Variants in NDUFS5 observed in about 807,000 individuals in gnomAD.
The protein encoded by NDUFS5 is NADH dehydrogenase [ubiquinone] iron-sulfur protein 5.
A neutral mutation model predicts 10.5 loss-of-function variants in NDUFS5; 7 were observed. The observed-to-expected ratio is 0.66, with a 90% CI of 0.38 to 1.25. The LOEUF (loss-of-function observed/expected upper bound fraction) is 1.25. NDUFS5 is among the 50% of genes most tolerant of loss of function. The probability of loss-of-function intolerance (pLI) is 0.02; values close to 1 mark genes in which losing one functional copy is unlikely to be tolerated. For synonymous variants in NDUFS5, 38 were observed against 44.0 expected, an observed-to-expected ratio of 0.86 and a Z score of 0.54; for missense variants, 148 against 140.7, an observed-to-expected ratio of 1.05 and a Z score of -0.26.
Position 39,034,302 on chromosome 1 carries a change from A to T in NDUFS5, c.217-90A>T. The T allele has an allele frequency of 2.3e-6, 3 of 1,314,138 alleles. No homozygotes were observed. The East Asian group carries it at 7.3e-5, about 32-fold the overall frequency. The allele number at this position is 1,314,138 out of a possible 1,614,324, so 81.4% of individuals were successfully genotyped here. On this transcript the variant is annotated intron_variant, in intron 2 of 2. Transcript: ENST00000372969. ...AAGATGAAAGGCCTTTTGTAGTTTA[A>T]AAATGAAACCAAAATTGATCTGTTT... is the stretch of plus-strand genomic sequence containing the variant.
intron 2 of NDUFS5, 54 bp downstream of exon 2, chr1:39,028,994 C>A: frequency 1.3e-5 from 15 of 1,183,174 alleles, no homozygotes; most frequent in East Asian, 2.6e-5. Context: ...CTTTGGGACT[C>A]TTTTTTTTTT....
At chr1:39,030,963 G>A (rs2148083195) in intron 2 of NDUFS5, among the ~76,000 whole-genome samples, 1 of 151,838 alleles carries the variant, frequency 6.6e-6, no homozygotes, top group South Asian at 2.1e-4. Flanking sequence ...GATTCAACTT[G>A]GGTTCAGGTG....
chr1:39,033,955 C>T (rs1644210995), intron 2 of NDUFS5, among the ~76,000 whole-genome samples: 1 of 151,852 alleles, frequency 6.6e-6, no homozygotes, highest in Admixed American at 6.6e-5. Context: ...TGTGCACCAC[C>T]ATCCCTGGCT....
Position 39,034,387 on chromosome 1 carries a change from G to A in NDUFS5, c.217-5G>A, listed in dbSNP as rs187238573. 4.1e-4 allele frequency: 661 copies of A among 1,612,266 alleles called. 3 individuals carry two copies. The African/African-American group carries it at 8.1e-3, about 20-fold the overall frequency. ...CTCAGTTTAATTACCATTTTCCTTT[G>A]ACAGATGAGACGTGCAGGTACCATC... On this transcript the variant is annotated splice_polypyrimidine_tract_variant and splice_region_variant and intron_variant, in intron 2 of 2. Transcript: ENST00000372969.
chr1:39,031,027 G>A (rs1192624470), intron 2 of NDUFS5, among the ~76,000 whole-genome samples: 3 of 152,006 alleles, frequency 2.0e-5, no homozygotes, highest in South Asian at 2.1e-4. Context: ...GCACCACCAC[G>A]CCCAGCTAAT....
chr1:39,033,631 A>C (rs571675774), intron 2 of NDUFS5, among the ~76,000 whole-genome samples: 112 of 145,942 alleles, frequency 7.7e-4, no homozygotes, highest in Admixed American at 2.0e-3. Context: ...CCTCCTGAGT[A>C]GCTGGGACCA....
In NDUFS5 at chr1:39,028,918, A is replaced by T; in HGVS notation, c.194A>T (p.Glu65Val). 6.2e-7 allele frequency: 1 copy of T among 1,613,152 alleles called. No homozygotes were observed. The highest frequency in any genetic ancestry group is 8.5e-7 in the Non-Finnish European group (1 of 1,179,626). ...ECKIEYDDFV[E>V]CLLRQKTMRR... ...AAGATAGAATATGATGATTTCGTAG[A>T]GTGTTTGCTTCGGCAGAAAACGGTA... is the stretch of plus-strand genomic sequence containing the variant. The change falls in exon 2 of 3, where the codon GAG (glutamate) becomes GTG (valine). Residue 65 changes from glutamate to valine, a missense_variant. Transcript: ENST00000372969.
intron 2 of NDUFS5, among the ~76,000 whole-genome samples, chr1:39,030,982 A>G (rs1644187103): frequency 6.6e-6 from 1 of 151,556 alleles, no homozygotes; most frequent in Non-Finnish European, 1.5e-5. Context: ...TGATTCTTCC[A>G]CTTCAGCCTC....
rs567333242 is a variant in NDUFS5, at chr1:39,031,174, T to C, written c.216+2234T>C. On this transcript the variant is annotated intron_variant, in intron 2 of 2. Transcript: ENST00000372969. ...TGTGAGACACTGCACCTGGCCCTAA[T>C]TTTGATTTTATTTATATAAAATAGA... Among the ~76,000 whole-genome samples, 10 of 152,068 alleles carry C rather than the reference T, an allele frequency of 6.6e-5. No individual in the cohort carries two copies. The East Asian group carries it at 1.9e-3, about 30-fold the overall frequency.
At chr1:39,027,811 CTTCTTTT>C (rs1644162070) in intron 1 of NDUFS5, among the ~76,000 whole-genome samples, 2 of 58,624 alleles carry the variant, frequency 3.4e-5, no homozygotes, top group Admixed American at 2.4e-4. Context: ...TTTTCTTCTT[CTTCTTTT>C]TTTTTTTTTT....
chr1:39,029,928 TA>T (rs1433274803), intron 2 of NDUFS5, among the ~76,000 whole-genome samples: 3 of 151,364 alleles, frequency 2.0e-5, no homozygotes, highest in Non-Finnish European at 4.4e-5. Context: ...CTGTCTCTAC[TA>T]AAAATACAAA....
chr1:39,027,959 A>T (rs377260293), intron 1 of NDUFS5, among the ~76,000 whole-genome samples: 5 of 148,600 alleles, frequency 3.4e-5, no homozygotes, highest in African/African-American at 1.2e-4. Context: ...TTGGGATTAC[A>T]GGCATGTGCC....
chr1:39,028,728 C>G lies in NDUFS5; in HGVS notation c.4C>G (p.Pro2Ala). 1 of 1,613,864 alleles carries G rather than the reference C, an allele frequency of 6.2e-7. No individual in the cohort carries two copies. The highest frequency in any genetic ancestry group is 8.5e-7 in the Non-Finnish European group (1 of 1,179,880). MPFLDIQKRFGL... is the reference protein window; with the variant it reads MAFLDIQKRFGL... The stretch of plus-strand genomic sequence containing the variant: ...TTTTAAATCTTCCATTACAGCCATG[C>G]CTTTCTTGGACATCCAGAAAAGGTT... The change falls in exon 2 of 3, where the codon CCT becomes GCT. Residue 2 changes from proline (P) to alanine (A), a missense_variant. By Grantham distance (27) the Pro-to-Ala change is conservative. Coordinates refer to ENST00000372969, the MANE Select transcript of NDUFS5 (RefSeq NM_004552.3).
intron 1 of NDUFS5, among the ~76,000 whole-genome samples, chr1:39,027,078 T>C (rs2148079424): frequency 6.6e-6 from 1 of 152,286 alleles, no homozygotes; most frequent in Non-Finnish European, 1.5e-5. Flanking sequence ...TAAATTCACC[T>C]TTTTGTTGAG....
chr1:39,030,581 C>T (rs1053717572), intron 2 of NDUFS5, among the ~76,000 whole-genome samples: 1 of 151,310 alleles, frequency 6.6e-6, no homozygotes, highest in Non-Finnish European at 1.5e-5. Flanking sequence ...GTGGCTGGCG[C>T]CTATAGTCCC....
At chr1:39,033,117 C>T (rs1268458811) in intron 2 of NDUFS5, among the ~76,000 whole-genome samples, 1 of 152,122 alleles carries the variant, frequency 6.6e-6, no homozygotes, top group Non-Finnish European at 1.5e-5. Context: ...GCAACCAATG[C>T]CCTGAGTAGA....
intron 2 of NDUFS5, among the ~76,000 whole-genome samples, chr1:39,030,572 T>C (rs553777904): frequency 1.3e-5 from 2 of 151,856 alleles, no homozygotes; most frequent in South Asian, 4.2e-4. Context: ...CTGGGTGTAG[T>C]GGCTGGCGCC....
At chr1:39,031,857 C>T (rs900368972) in intron 2 of NDUFS5, among the ~76,000 whole-genome samples, 1 of 152,144 alleles carries the variant, frequency 6.6e-6, no homozygotes, top group African/African-American at 2.4e-5. Context: ...TTTCTCACAA[C>T]AATCCTATGA....
intron 2 of NDUFS5, 145 bp downstream of exon 2, chr1:39,029,085 C>T: frequency 1.4e-6 from 1 of 728,226 alleles, no homozygotes; most frequent in Non-Finnish European, 2.2e-6. Context: ...CTCTGCCTCC[C>T]AGGTTCAGGC....
Sources: allele counts gnomAD v4.1 joint callset (sites outside exome capture counted in the v4.1 genomes callset), GRCh38; gene constraint gnomAD v4.1.1; transcripts MANE v1.5; gene names NCBI Gene and HGNC (gene_info 2026-07-23, HGNC 2026-07-21).